Variants in DAAM1 observed in about 807,000 individuals in gnomAD.
DAAM1 encodes dishevelled associated activator of morphogenesis 1, also known as disheveled-associated activator of morphogenesis 1.
DAAM1 carries 52 observed loss-of-function variants against 130.0 expected under a neutral mutation model. The ratio of observed to expected loss-of-function variants is 0.40; its 90% CI spans 0.32 to 0.50. The LOEUF (loss-of-function observed/expected upper bound fraction) is 0.50, where lower values mean the gene tolerates loss of function less well. DAAM1 is among the 20% of genes least tolerant of loss of function. DAAM1 has a pLI of 0.61. For synonymous variants in DAAM1, 452 were observed against 444.5 expected (o/e 1.02, Z -0.21); for missense variants, 1,134 against 1,303.8 (o/e 0.87, Z 2.01).
chr14:59,340,795 T>C (rs1253354890), intron 16 of DAAM1, among the ~76,000 whole-genome samples: 1 of 152,180 alleles, frequency 6.6e-6, no homozygotes, highest in African/African-American at 2.4e-5. Context: ...CTTCGGGCAA[T>C]GTTGTCAGGT....
chr14:59,361,286 T>C (rs1247566402), intron 22 of DAAM1, among the ~76,000 whole-genome samples: 3 of 152,174 alleles, frequency 2.0e-5, no homozygotes. Context: ...GAGTATTTAC[T>C]AAGCAGACAG....
At chr14:59,365,414 A>G (rs1025789462) in intron 23 of DAAM1, among the ~76,000 whole-genome samples, 1 of 152,204 alleles carries the variant, frequency 6.6e-6, no homozygotes, top group Non-Finnish European at 1.5e-5. Context: ...AAGCTAGAAC[A>G]CTATATATGG....
intron 2 of DAAM1, among the ~76,000 whole-genome samples, chr14:59,290,267 G>T (rs78289666): frequency 0.042 from 6,399 of 152,008 alleles, 157 homozygotes; most frequent in Middle Eastern, 0.11. Context: ...TTCCTTTAGG[G>T]TTCAGTCTAA....
At chr14:59,287,354 T>C (rs1883508333) in intron 2 of DAAM1, among the ~76,000 whole-genome samples, 1 of 152,198 alleles carries the variant, frequency 6.6e-6, no homozygotes, top group African/African-American at 2.4e-5. Flanking sequence ...GCTGGAAGCC[T>C]TCCCTTTGAG....
At chr14:59,356,561 G>A (rs965174829) in intron 20 of DAAM1, among the ~76,000 whole-genome samples, 9 of 152,170 alleles carry the variant, frequency 5.9e-5, no homozygotes, top group African/African-American at 1.7e-4. Flanking sequence ...CAAGGTATTC[G>A]GCCTTACAGG....
In DAAM1 at chr14:59,368,827, A is replaced by C. The variant is rs149554082; in HGVS notation, c.3175A>C (p.Arg1059=). The part of the protein sequence containing the change: ...RITNQMTDSS[R]ERPITKLNF ...TACCAACCAGATGACTGACAGCAGC[A>C]GAGAGAGACCAATCACAAAACTTAA... Residue 1059 remains arginine, a synonymous_variant, in exon 25 of 25, where the codon AGA becomes CGA. Transcript: ENST00000360909. The C allele has an allele frequency of 1.5e-5, 25 of 1,613,360 alleles. No individual in the cohort carries two copies. The African/African-American group carries it at 3.1e-4, about 20-fold the overall frequency.
At chr14:59,251,392 G>C (rs1290429828) in intron 1 of DAAM1, among the ~76,000 whole-genome samples, 4 of 150,584 alleles carry the variant, frequency 2.7e-5, no homozygotes, top group Non-Finnish European at 4.4e-5. Context: ...ATTGCCCATT[G>C]TGGGGCTGAG....
chr14:59,359,614 CA>C (rs1886625785), intron 21 of DAAM1, 110 bp downstream of exon 21: 3 of 723,388 alleles, frequency 4.1e-6, no homozygotes, highest in Non-Finnish European at 2.3e-6. Flanking sequence ...TTCCCCTGAT[CA>C]TTGTATGAAA....
At chr14:59,265,019 G>T (rs772173217) in intron 2 of DAAM1, 1 of 152,240 alleles carries the variant, frequency 6.6e-6, no homozygotes, top group Admixed American at 6.5e-5. Flanking sequence ...AATGGAGTTA[G>T]TTCTAAATGG....
chr14:59,222,803 C>T (rs563662549), intron 1 of DAAM1, among the ~76,000 whole-genome samples: 5 of 152,282 alleles, frequency 3.3e-5, no homozygotes, highest in African/African-American at 9.6e-5. Flanking sequence ...TCTTTGTGAC[C>T]GATTTTCCAA....
At chr14:59,261,836 A>C (rs565863127) in intron 1 of DAAM1, among the ~76,000 whole-genome samples, 11 of 152,234 alleles carry the variant, frequency 7.2e-5, no homozygotes, top group Non-Finnish European at 1.3e-4. Flanking sequence ...TTAAAACTTA[A>C]GAACAAAAAA....
chr14:59,354,044 A>C, intron 19 of DAAM1, 80 bp downstream of exon 19: 1 of 1,378,648 alleles, frequency 7.3e-7, no homozygotes, highest in Non-Finnish European at 1.0e-6. Context: ...GCATATAGTA[A>C]ACAAGATCCC....
At chr14:59,355,519 T>C (rs548738375) in intron 20 of DAAM1, among the ~76,000 whole-genome samples, 186 bp downstream of exon 20, 1 of 152,330 alleles carries the variant, frequency 6.6e-6, no homozygotes, top group East Asian at 1.9e-4. Flanking sequence ...ACCGCAGGCA[T>C]CTCCCACATT....
chr14:59,309,056 T>G (rs555604866), intron 3 of DAAM1, among the ~76,000 whole-genome samples: 1 of 152,348 alleles, frequency 6.6e-6, no homozygotes, highest in East Asian at 1.9e-4. Flanking sequence ...ATTGCCCTTC[T>G]TTTGGCAAGC....
intron 24 of DAAM1, among the ~76,000 whole-genome samples, chr14:59,368,226 ATCAGGTT>A (rs990850501): frequency 1.3e-5 from 2 of 152,202 alleles, no homozygotes; most frequent in Non-Finnish European, 2.9e-5. Context: ...ACTATTGTGT[ATCAGGTT>A]TCAGGCTTCC....
At chr14:59,312,781 T>C (rs955867343) in intron 3 of DAAM1, among the ~76,000 whole-genome samples, 12 of 152,234 alleles carry the variant, frequency 7.9e-5, no homozygotes, top group Admixed American at 5.2e-4. Flanking sequence ...AAGAGTTGGA[T>C]GTTTAAAAAA....
Position 59,331,906 on chromosome 14 carries a change from TATCAA to T in DAAM1, c.1956_1960del (p.Tyr652Ter). 6.2e-7 allele frequency: 1 copy of T among 1,613,948 alleles called. No individual in the cohort carries two copies. Among genetic ancestry groups the T allele is most frequent in the Non-Finnish European group, 8.5e-7 (1 of 1,179,926 alleles). ...AGACCTGGAAAGAACCTTCTCTGCC[TATCAA>T]AGACAGCAGGTAACAGCATATGCCC... On this transcript the variant is annotated frameshift_variant, in exon 15 of 25. Coordinates refer to ENST00000360909, the MANE Select transcript of DAAM1 (RefSeq NM_001270520.2). LOFTEE classifies it high-confidence loss of function.
At chr14:59,209,972 A>G (rs138349444) in intron 1 of DAAM1, among the ~76,000 whole-genome samples, 302 of 152,204 alleles carry the variant, frequency 2.0e-3, no homozygotes, top group African/African-American at 7.1e-3. Context: ...AAAGAAAAAA[A>G]AAATAGGAAA....
intron 3 of DAAM1, among the ~76,000 whole-genome samples, chr14:59,309,866 C>T (rs1012013751): frequency 1.3e-5 from 2 of 152,188 alleles, no homozygotes; most frequent in African/African-American, 4.8e-5. Context: ...TTCTGTGCTT[C>T]TCTTTCTCTG....
Sources: gnomAD v4.1 joint callset for allele counts (sites outside exome capture counted in the v4.1 genomes callset) on GRCh38, gnomAD v4.1.1 for gene constraint, MANE v1.5 for transcripts, NCBI Gene and HGNC (gene_info 2026-07-23, HGNC 2026-07-21) for gene names.